The following PDZRN3 variants were observed in gnomAD, a reference collection of about 807,000 sequenced individuals.
PDZRN3 encodes PDZ domain containing ring finger 3.
Under a neutral mutation model 85.7 loss-of-function variants are expected in PDZRN3, and 38 were observed. The ratio of observed to expected loss-of-function variants is 0.44; its 90% CI spans 0.34 to 0.58. PDZRN3 has a LOEUF of 0.58. Ranked by LOEUF, PDZRN3 falls within the 20% of genes least tolerant of loss-of-function variation. The pLI is 0.01. For synonymous variants in PDZRN3, 759 were observed against 638.0 expected, an observed-to-expected ratio of 1.19 and a Z score of -2.86; for missense variants, 1,629 against 1,506.4, an observed-to-expected ratio of 1.08 and a Z score of -1.35.
chr3:73,591,627 T>G (rs868636323), intron 3 of PDZRN3, among the ~76,000 whole-genome samples: 18 of 152,174 alleles, frequency 1.2e-4, no homozygotes, highest in African/African-American at 4.1e-4. Context: ...ACAGCATAGC[T>G]AACCACCTGG....
chr3:73,420,080 T>G (rs1559669663), intron 3 of PDZRN3, among the ~76,000 whole-genome samples: 2 of 152,246 alleles, frequency 1.3e-5, no homozygotes, highest in African/African-American at 4.8e-5. Flanking sequence ...TGGCCCTCTC[T>G]GGATACGAGA....
At chr3:73,570,304 C>A (rs1295078008) in intron 3 of PDZRN3, among the ~76,000 whole-genome samples, 2 of 152,190 alleles carry the variant, frequency 1.3e-5, no homozygotes, top group African/African-American at 4.8e-5. Context: ...AGGCATACAT[C>A]TAGAAGAGAC....
chr3:73,385,416 T>TC (rs767396899), intron 9 of PDZRN3, among the ~76,000 whole-genome samples: 37 of 152,382 alleles, frequency 2.4e-4, no homozygotes, highest in Non-Finnish European at 4.1e-4. Context: ...GCATATGTTT[T>TC]CCAAACAAAT....
chr3:73,525,241 T>C (rs139474722), intron 3 of PDZRN3, among the ~76,000 whole-genome samples: 172 of 152,304 alleles, frequency 1.1e-3, no homozygotes, highest in African/African-American at 4.0e-3. Context: ...AACTGCTTTT[T>C]TGAGGGCTTC....
In PDZRN3 at chr3:73,624,617, G is replaced by C. The variant is rs1188226792; in HGVS notation, c.209C>G (p.Pro70Arg). Residue 70 changes from proline to arginine, a missense_variant, in exon 1 of 10, where the codon CCG becomes CGG. By Grantham distance (103) the Pro-to-Arg change is moderately radical (BLOSUM62 -2). Coordinates refer to ENST00000263666, the MANE Select transcript of PDZRN3 (RefSeq NM_015009.3). ...CAGCTTGAGGATAAGGCGCTTGAGC[G>C]GCAGGACGTGGTTGAGCTCTTTGGC... Reference protein sequence around the residue: ...LSAKELNHVLPLKRLILKLDI... With the variant: ...LSAKELNHVLRLKRLILKLDI... 11 of 1,558,054 alleles carry C rather than the reference G, an allele frequency of 7.1e-6. No homozygotes were observed. Among genetic ancestry groups the C allele is most frequent in the African/African-American group, 1.4e-5 (1 of 70,794 alleles).
chr3:73,562,110 C>T (rs2106830706), intron 3 of PDZRN3, among the ~76,000 whole-genome samples: 1 of 152,192 alleles, frequency 6.6e-6, no homozygotes, highest in African/African-American at 2.4e-5. Flanking sequence ...AATAGAAAAG[C>T]CTAAATCCCC....
intron 3 of PDZRN3, among the ~76,000 whole-genome samples, chr3:73,490,993 G>C (rs1703759544): frequency 6.6e-6 from 1 of 152,222 alleles, no homozygotes; most frequent in African/African-American, 2.4e-5. Context: ...GCAAAAGCCT[G>C]CCAGGCAAGC....
chr3:73,457,287 G>A (rs1167762663), intron 3 of PDZRN3, among the ~76,000 whole-genome samples: 6 of 152,004 alleles, frequency 3.9e-5, no homozygotes, highest in Non-Finnish European at 7.4e-5. Context: ...TGGCCAGGCT[G>A]GTTTCAAACT....
rs377200332 is a variant in PDZRN3, at chr3:73,568,918, T to C, written c.918+33436A>G. Among the ~76,000 whole-genome samples the C allele has an allele frequency of 3.7e-4, 56 of 152,334 alleles. No homozygotes were observed. The South Asian group carries it at 0.011, about 31-fold the overall frequency. On this transcript the variant is annotated intron_variant, in intron 3 of 9. Coordinates refer to ENST00000263666, the MANE Select transcript of PDZRN3 (RefSeq NM_015009.3). ...TCACGGAAGCCAGACCTACAGTCTT[T>C]AAGAGAGATTTGCACTGTAGCAGGG...
chr3:73,604,077 T>C (rs1399820859), intron 2 of PDZRN3, among the ~76,000 whole-genome samples: 1 of 152,188 alleles, frequency 6.6e-6, no homozygotes, highest in Non-Finnish European at 1.5e-5. Context: ...CTGTGGGTGC[T>C]GTGTAGGATC....
chr3:73,468,105 T>C (rs910761329), intron 3 of PDZRN3, among the ~76,000 whole-genome samples: 4 of 152,066 alleles, frequency 2.6e-5, no homozygotes, highest in African/African-American at 7.2e-5. Flanking sequence ...GTTATGTATA[T>C]TGTACCATAA....
In PDZRN3 at chr3:73,536,882, G is replaced by A. The variant is rs142839551; in HGVS notation, c.918+65472C>T. Reference sequence around the variant, plus strand: ...TGGGGTCTTAATCCCTCTGTTTGCAGAGAATTTCTCCTGTATTGCAAGAGT... The same window carrying A: ...TGGGGTCTTAATCCCTCTGTTTGCAAAGAATTTCTCCTGTATTGCAAGAGT... On this transcript the variant is annotated intron_variant, in intron 3 of 9. Transcript: ENST00000263666. Among the ~76,000 whole-genome samples the A allele has an allele frequency of 1.3e-3, 203 of 152,278 alleles. 1 individual carries two copies. The highest frequency in any genetic ancestry group is 4.1e-3 in the African/African-American group (169 of 41,556).
intron 3 of PDZRN3, among the ~76,000 whole-genome samples, chr3:73,572,837 T>C (rs1702064461): frequency 1.3e-5 from 2 of 152,204 alleles, no homozygotes; most frequent in Non-Finnish European, 2.9e-5. Context: ...ACTATGCATA[T>C]GTATCATTTG....
chr3:73,487,810 C>T (rs561934878), intron 3 of PDZRN3, among the ~76,000 whole-genome samples: 1 of 152,348 alleles, frequency 6.6e-6, no homozygotes, highest in African/African-American at 2.4e-5. Flanking sequence ...ATTTCTTGCT[C>T]TTTGCCAGAA....
intron 3 of PDZRN3, among the ~76,000 whole-genome samples, chr3:73,526,385 C>T (rs1052370491): frequency 2.0e-5 from 3 of 152,172 alleles, no homozygotes; most frequent in African/African-American, 7.2e-5. Flanking sequence ...ACCCATTCCA[C>T]AGATAAGGAA....
chr3:73,497,337 A>G (rs541045306), intron 3 of PDZRN3, among the ~76,000 whole-genome samples: 2 of 152,344 alleles, frequency 1.3e-5, no homozygotes, highest in Non-Finnish European at 2.9e-5. Context: ...GTATTTATCA[A>G]TAATGAAGAA....
intron 3 of PDZRN3, among the ~76,000 whole-genome samples, chr3:73,591,017 A>G (rs1040828625): frequency 6.6e-6 from 1 of 152,176 alleles, no homozygotes; most frequent in African/African-American, 2.4e-5. Context: ...GATCAAACTG[A>G]TATTTTGTCA....
intron 3 of PDZRN3, among the ~76,000 whole-genome samples, chr3:73,424,240 A>C (rs1387677892): frequency 6.6e-6 from 1 of 151,924 alleles, no homozygotes; most frequent in African/African-American, 2.4e-5. Context: ...AACATGATAA[A>C]GAATATGCAG....
chr3:73,433,805 T>C, intron 3 of PDZRN3: 1 of 1,495,174 alleles, frequency 6.7e-7, no homozygotes, highest in Non-Finnish European at 8.9e-7. Context: ...TTGGAGAGCC[T>C]CAGGTGAGTC....
Sources: allele counts gnomAD v4.1 joint callset (sites outside exome capture counted in the v4.1 genomes callset), GRCh38; gene constraint gnomAD v4.1.1; transcripts MANE v1.5; gene names NCBI Gene and HGNC (gene_info 2026-07-23, HGNC 2026-07-21).